The following CYRIB variants were observed in gnomAD, a reference collection of about 807,000 sequenced individuals.
The protein encoded by CYRIB is CYFIP-related Rac1 interactor B.
CYRIB carries 8 observed loss-of-function variants against 44.2 expected under a neutral mutation model. That is an observed-to-expected ratio of 0.18 (90% CI 0.11 to 0.33). CYRIB has a LOEUF of 0.33. CYRIB is among the 10% of genes least tolerant of loss of function. CYRIB has a pLI of 1.00. For missense variants in CYRIB, 185 were observed against 382.8 expected (o/e 0.48, Z 4.31); for synonymous variants, 131 against 127.2 (o/e 1.03, Z -0.20).
At chr8:129,867,282 C>T (rs2054184306) in intron 4 of CYRIB, among the ~76,000 whole-genome samples, 2 of 148,444 alleles carry the variant, frequency 1.3e-5, no homozygotes, top group South Asian at 4.2e-4. Flanking sequence ...TGCCACCACA[C>T]CTGGCTTTTT....
chr8:129,900,624 C>T (rs2071099165), intron 2 of CYRIB, among the ~76,000 whole-genome samples: 1 of 152,184 alleles, frequency 6.6e-6, no homozygotes, highest in South Asian at 2.1e-4. Flanking sequence ...TTTCCTATGG[C>T]AATGATGGCG....
intron 4 of CYRIB, among the ~76,000 whole-genome samples, chr8:129,866,681 T>C (rs1407110076): frequency 3.3e-5 from 5 of 152,242 alleles, no homozygotes; most frequent in Admixed American, 3.3e-4. Context: ...GATCTAAAAA[T>C]GCTTTTCTAA....
chr8:129,905,306 C>T (rs2074687704), intron 1 of CYRIB, among the ~76,000 whole-genome samples: 1 of 152,118 alleles, frequency 6.6e-6, no homozygotes, highest in African/African-American at 2.4e-5. Flanking sequence ...CAAGCTCTGC[C>T]TCCCAGGTTC....
chr8:129,905,242 G>C (rs181042401), intron 1 of CYRIB, among the ~76,000 whole-genome samples: 1 of 150,374 alleles, frequency 6.7e-6, no homozygotes, highest in Admixed American at 6.7e-5. Flanking sequence ...TTTTGAGATG[G>C]AGTCTCACTC....
intron 1 of CYRIB, among the ~76,000 whole-genome samples, chr8:129,915,051 A>C (rs947262275): frequency 2.0e-5 from 3 of 152,256 alleles, no homozygotes; most frequent in Non-Finnish European, 4.4e-5. Flanking sequence ...GTGAGAATAC[A>C]GTGCAAATGA....
chr8:129,981,148 C>CT (rs1240874227), intron 1 of CYRIB, among the ~76,000 whole-genome samples: 4 of 151,784 alleles, frequency 2.6e-5, no homozygotes, highest in Admixed American at 6.6e-5. Flanking sequence ...CATTCCCCAC[C>CT]TTTTTTTTCA....
intron 1 of CYRIB, among the ~76,000 whole-genome samples, chr8:129,983,593 T>G (rs1022715392): frequency 1.3e-5 from 2 of 152,134 alleles, no homozygotes; most frequent in African/African-American, 4.8e-5. Context: ...TCACCCTGAG[T>G]GTGGCCCCAC....
chr8:129,907,536 T>G (rs2076046118), intron 1 of CYRIB, among the ~76,000 whole-genome samples: 1 of 152,156 alleles, frequency 6.6e-6, no homozygotes, highest in Non-Finnish European at 1.5e-5. Context: ...GGCACATGTA[T>G]ATGTATGTAA....
intron 1 of CYRIB, among the ~76,000 whole-genome samples, chr8:129,989,044 G>A (rs1237042228): frequency 6.6e-6 from 1 of 152,148 alleles, no homozygotes; most frequent in Non-Finnish European, 1.5e-5. Flanking sequence ...TGACCTGCCA[G>A]GACAAATACC....
At chr8:129,840,468 CTT>C (rs1391997656) in exon 12 of CYRIB, 1 of 152,260 alleles carries the variant, frequency 6.6e-6, no homozygotes, top group Non-Finnish European at 1.5e-5. Context: ...TCTGCAAAAA[CTT>C]TTTCCAAATA....
intron 2 of CYRIB, among the ~76,000 whole-genome samples, chr8:129,902,508 C>T (rs953075176): frequency 1.3e-5 from 2 of 152,180 alleles, no homozygotes; most frequent in Non-Finnish European, 2.9e-5. Flanking sequence ...GCATGAGCCA[C>T]TGCGCCCACC....
At chr8:129,903,939 A>G (rs298612) in intron 1 of CYRIB, among the ~76,000 whole-genome samples, 76,833 of 151,880 alleles carry the variant, frequency 0.51, 19,647 homozygotes, top group Admixed American at 0.57. Flanking sequence ...TTTCTGCAGA[A>G]AGAGGGTCTC....
chr8:129,998,595 G>T (rs1197136911), intron 1 of CYRIB, among the ~76,000 whole-genome samples: 1 of 152,040 alleles, frequency 6.6e-6, no homozygotes, highest in Non-Finnish European at 1.5e-5. Flanking sequence ...TGGCTCCCCG[G>T]GGGGGTTGTT....
At chr8:129,970,535 T>C (rs930315841) in intron 2 of CYRIB, 16 of 151,778 alleles carry the variant, frequency 1.1e-4, no homozygotes, top group Admixed American at 3.9e-4. Context: ...GTATTTTGTA[T>C]TTTTAGTATT....
At chr8:129,921,567 T>G (rs1339500796) in intron 1 of CYRIB, among the ~76,000 whole-genome samples, 2 of 152,132 alleles carry the variant, frequency 1.3e-5, no homozygotes, top group Admixed American at 6.5e-5. Context: ...ACCACCACAC[T>G]CAACTAATTT....
In CYRIB at chr8:129,906,293, T is replaced by C. The variant is rs1442693169; in HGVS notation, c.-49-2943A>G. 8.5e-5 allele frequency among the ~76,000 whole-genome samples: 13 copies of C among 152,202 alleles called. No individual in the cohort carries two copies. In the South Asian group the frequency reaches 1.2e-3, roughly 15 times the overall value. On this transcript the variant is annotated intron_variant, in intron 1 of 11. Transcript: ENST00000519824. ...AACAGAACAGAGTCCTCAGAAATAA[T>C]AGCACACATCTACAACTATCTGATC...
At chr8:129,906,050 C>T (rs978279144) in intron 1 of CYRIB, among the ~76,000 whole-genome samples, 4 of 152,032 alleles carry the variant, frequency 2.6e-5, no homozygotes, top group African/African-American at 7.2e-5. Flanking sequence ...AGATTCAATG[C>T]CATCCCCATC....
intron 1 of CYRIB, among the ~76,000 whole-genome samples, chr8:129,986,802 A>G (rs1591809222): frequency 2.0e-5 from 3 of 152,352 alleles, no homozygotes; most frequent in African/African-American, 7.2e-5. Context: ...TGTAAGCAAC[A>G]GAAAACGGAC....
chr8:129,911,407 A>G (rs548046752), intron 1 of CYRIB, among the ~76,000 whole-genome samples: 140 of 152,332 alleles, frequency 9.2e-4, no homozygotes, highest in Non-Finnish European at 1.7e-3. Flanking sequence ...CTTGTTCAAT[A>G]TTTATTATAA....
Sources: allele counts gnomAD v4.1 joint callset (sites outside exome capture counted in the v4.1 genomes callset), GRCh38; gene constraint gnomAD v4.1.1; transcripts MANE v1.5; gene names NCBI Gene and HGNC (gene_info 2026-07-23, HGNC 2026-07-21).